MAN2A1: variants seen among roughly 807,000 people sequenced by gnomAD.
MAN2A1 encodes alpha-mannosidase 2.
Under a neutral mutation model 142.6 loss-of-function variants are expected in MAN2A1, and 76 were observed. The observed-to-expected ratio is 0.53, with a 90% CI of 0.44 to 0.65. The LOEUF (loss-of-function observed/expected upper bound fraction) is 0.65, where lower values mean the gene tolerates loss of function less well. Among genes scored for constraint, MAN2A1 ranks in the 30% least tolerant of loss-of-function variants. MAN2A1 has a pLI of 0.00. For synonymous variants in MAN2A1, 559 were observed against 473.2 expected (o/e 1.18, Z -2.35); for missense variants, 1,311 against 1,365.1 (o/e 0.96, Z 0.62).
At chr5:109,746,924 T>C (rs1166212196) in intron 4 of MAN2A1, among the ~76,000 whole-genome samples, 1 of 152,218 alleles carries the variant, frequency 6.6e-6, no homozygotes, top group Non-Finnish European at 1.5e-5. Context: ...CTCATTCATG[T>C]TGTAGCATGT....
chr5:109,696,683 C>T (rs1750821677), intron 1 of MAN2A1, among the ~76,000 whole-genome samples: 1 of 152,202 alleles, frequency 6.6e-6, no homozygotes, highest in Non-Finnish European at 1.5e-5. Context: ...AACAATGTCT[C>T]CAGACACTGC....
chr5:109,818,181 C>A (rs1754520607), intron 13 of MAN2A1, among the ~76,000 whole-genome samples: 2 of 152,036 alleles, frequency 1.3e-5, no homozygotes, highest in Non-Finnish European at 2.9e-5. Flanking sequence ...GCTCTTGTTG[C>A]CCAGGCTGGA....
chr5:109,735,278 G>C (rs1386482238), intron 4 of MAN2A1, among the ~76,000 whole-genome samples: 1 of 152,104 alleles, frequency 6.6e-6, no homozygotes, highest in African/African-American at 2.4e-5. Context: ...CTGCACGTGA[G>C]ATGGGTTTCC....
At position 109,739,236 on chromosome 5, in the gene MAN2A1, G is replaced by A. The variant is rs1335549901; in HGVS notation, c.707+9723G>A. ...TCATTGAAGGTAACTTTTTCCCCAT[G>A]CTCACTTACTTTATTTATGAAATTT... On this transcript the variant is annotated intron_variant, in intron 4 of 21. Transcript: ENST00000261483. Among the ~76,000 whole-genome samples, 3 of 152,018 alleles carry A rather than the reference G, an allele frequency of 2.0e-5. No homozygotes were observed. In the East Asian group the frequency reaches 5.8e-4, roughly 29 times the overall value.
intron 1 of MAN2A1, among the ~76,000 whole-genome samples, chr5:109,693,704 C>T (rs1025331285): frequency 7.9e-5 from 12 of 152,008 alleles, no homozygotes; most frequent in African/African-American, 2.7e-4. Context: ...TCTCTCACCC[C>T]GGAACAGCTG....
At chr5:109,698,601 T>A (rs1483666247) in intron 1 of MAN2A1, among the ~76,000 whole-genome samples, 1 of 152,204 alleles carries the variant, frequency 6.6e-6, no homozygotes, top group African/African-American at 2.4e-5. Context: ...GTAAATGGAT[T>A]TACCACTGGC....
intron 4 of MAN2A1, among the ~76,000 whole-genome samples, chr5:109,747,194 CTA>C (rs1469949808): frequency 6.6e-6 from 1 of 151,896 alleles, no homozygotes; most frequent in East Asian, 1.9e-4. Flanking sequence ...CATAATAATT[CTA>C]TGTTTAATTT....
At chr5:109,745,612 T>TATTAA (rs1268508360) in intron 4 of MAN2A1, among the ~76,000 whole-genome samples, 1 of 152,150 alleles carries the variant, frequency 6.6e-6, no homozygotes. Context: ...TTTTTATTTC[T>TATTAA]ATTAAATTAA....
chr5:109,847,542 G>T, intron 18 of MAN2A1, 115 bp from the exon 19 acceptor site: 1 of 913,432 alleles, frequency 1.1e-6, no homozygotes. Flanking sequence ...CCACCTCCTT[G>T]ACTAGAGAGG....
intron 4 of MAN2A1, among the ~76,000 whole-genome samples, chr5:109,740,990 G>A (rs1752253041): frequency 6.6e-6 from 1 of 151,914 alleles, no homozygotes; most frequent in Non-Finnish European, 1.5e-5. Flanking sequence ...TACAAAAATG[G>A]CAATTTCATG....
In MAN2A1 at chr5:109,755,368, C is replaced by T. The variant is rs752830529; in HGVS notation, c.747C>T (p.Gly249=). The change falls in exon 5 of 22, where the codon GGC becomes GGT. Residue 249 remains glycine, a synonymous_variant. Coordinates refer to ENST00000261483, the MANE Select transcript of MAN2A1 (RefSeq NM_002372.4). ...ENGQLEIVTG[G]WVMPDEATPH... ...GTCAGCTTGAAATTGTGACAGGTGG[C>T]TGGGTTATGCCTGATGAAGCTACTC... is the stretch of plus-strand genomic sequence containing the variant. The T allele has an allele frequency of 2.5e-6, 4 of 1,612,538 alleles. No individual in the cohort carries two copies. Among genetic ancestry groups the T allele is most frequent in the Non-Finnish European group, 3.4e-6 (4 of 1,178,644 alleles).
chr5:109,859,686 TAAG>T (rs1755709089), intron 20 of MAN2A1, among the ~76,000 whole-genome samples: 1 of 152,104 alleles, frequency 6.6e-6, no homozygotes, highest in African/African-American at 2.4e-5. Context: ...GACCATTATT[TAAG>T]AAGAAGGGAG....
Position 109,784,894 on chromosome 5 carries a change from A to G in MAN2A1, c.1728A>G (p.Ala576=). The stretch of plus-strand genomic sequence containing the variant: ...ATCATGATGCTATCACAGGAACTGC[A>G]AAAGACTGGGTGGTTGTGGATTATG... The part of the protein sequence containing the change: ...FQHHDAITGT[A]KDWVVVDYGT... Residue 576 remains alanine (A), a synonymous_variant, in exon 10 of 22, where the codon GCA becomes GCG. Coordinates refer to ENST00000261483, the MANE Select transcript of MAN2A1 (RefSeq NM_002372.4). 6.2e-7 allele frequency: 1 copy of G among 1,606,426 alleles called. No homozygotes were observed. Among genetic ancestry groups the G allele is most frequent in the Non-Finnish European group, 8.5e-7 (1 of 1,177,714 alleles).
At chr5:109,804,480 CTTGTGTGT>C (rs1754113571) in intron 12 of MAN2A1, among the ~76,000 whole-genome samples, 1 of 151,864 alleles carries the variant, frequency 6.6e-6, no homozygotes, top group Non-Finnish European at 1.5e-5. Flanking sequence ...AGTTGGTTGG[CTTGTGTGT>C]TTTTCTTTGA....
intron 12 of MAN2A1, among the ~76,000 whole-genome samples, chr5:109,809,046 G>T (rs1356668641): frequency 6.6e-6 from 1 of 152,042 alleles, no homozygotes. Context: ...TGGATTGAAA[G>T]ACAGACTATT....
chr5:109,770,479 C>T lies in MAN2A1; in HGVS notation c.1134C>T (p.Gly378=), dbSNP rs767834465. Reference sequence around the variant, plus strand: ...TTGATTTTAAACGTCTTCCTGGAGGCAGATTTGGTTGTCCCTGGGGAGTCC... The same window carrying T: ...TTGATTTTAAACGTCTTCCTGGAGGTAGATTTGGTTGTCCCTGGGGAGTCC... ...CQFDFKRLPG[G]RFGCPWGVPP... Residue 378 remains glycine, a synonymous_variant, in exon 7 of 22, where the codon GGC becomes GGT. Transcript: ENST00000261483. 8 of 1,613,984 alleles carry T rather than the reference C, an allele frequency of 5.0e-6. No homozygotes were observed. The Admixed American group carries it at 1.2e-4, about 24-fold the overall frequency.
chr5:109,692,426 C>T (rs184917558), intron 1 of MAN2A1, among the ~76,000 whole-genome samples: 9 of 152,194 alleles, frequency 5.9e-5, no homozygotes, highest in Admixed American at 5.9e-4. Context: ...GCTTGGACGG[C>T]CACTGAATCC....
At chr5:109,759,463 G>T (rs1752777381) in intron 5 of MAN2A1, among the ~76,000 whole-genome samples, 1 of 152,034 alleles carries the variant, frequency 6.6e-6, no homozygotes, top group Admixed American at 6.5e-5. Flanking sequence ...TGTGTATGTT[G>T]GTAATCCATT....
chr5:109,855,045 A>G lies in MAN2A1; in HGVS notation c.2977-95A>G, dbSNP rs949963077. On this transcript the variant is annotated intron_variant, in intron 19 of 21. Transcript: ENST00000261483. Reference sequence around the variant, plus strand: ...AAAATGTAATGAAACCAAATTATTCATATATTTTTATATTAAACCCTCTCA... The same window carrying G: ...AAAATGTAATGAAACCAAATTATTCGTATATTTTTATATTAAACCCTCTCA... 2.1e-5 allele frequency: 12 copies of G among 561,964 alleles called. No individual in the cohort carries two copies. In the South Asian group the frequency reaches 4.4e-4, roughly 21 times the overall value. The allele number at this position is 561,964 out of a possible 1,614,324, so 34.8% of individuals were successfully genotyped here. A position where few individuals can be genotyped will look rare whatever the true frequency, so the allele number is the denominator to read the frequency against.
Sources: gnomAD v4.1 joint callset for allele counts (sites outside exome capture counted in the v4.1 genomes callset) on GRCh38, gnomAD v4.1.1 for gene constraint, MANE v1.5 for transcripts, NCBI Gene and HGNC (gene_info 2026-07-23, HGNC 2026-07-21) for gene names.